The following ITGA1 variants were observed in gnomAD, a reference collection of about 807,000 sequenced individuals.
ITGA1 encodes integrin alpha-1.
In ITGA1, 85 loss-of-function variants were observed where a neutral mutation model predicts 145.9. The observed-to-expected ratio is 0.58, with a 90% CI of 0.49 to 0.70. The LOEUF (loss-of-function observed/expected upper bound fraction) is 0.70, where lower values mean the gene tolerates loss of function less well. ITGA1 is among the 30% of genes least tolerant of loss of function. ITGA1 has a pLI of 0.00. For missense variants in ITGA1, 1,351 were observed against 1,418.7 expected (o/e 0.95, Z 0.77); for synonymous variants, 520 against 495.3 (o/e 1.05, Z -0.66).
At chr5:52,909,446 G>A (rs971347167) in intron 13 of ITGA1, among the ~76,000 whole-genome samples, 2 of 152,052 alleles carry the variant, frequency 1.3e-5, no homozygotes, top group Admixed American at 6.6e-5. Context: ...AACACTGCAG[G>A]CTTCCAGGAA....
chr5:52,799,283 T>C (rs1457514740), intron 1 of ITGA1, among the ~76,000 whole-genome samples: 2 of 152,248 alleles, frequency 1.3e-5, no homozygotes, highest in African/African-American at 4.8e-5. Flanking sequence ...CTTTAAATTA[T>C]GTAGCTATTC....
intron 15 of ITGA1, among the ~76,000 whole-genome samples, chr5:52,917,255 C>G (rs941242576): frequency 6.6e-6 from 1 of 152,158 alleles, no homozygotes; most frequent in Non-Finnish European, 1.5e-5. Context: ...GGAAACTAGG[C>G]ATGTTCATTC....
chr5:52,795,599 A>C (rs1748325117), intron 1 of ITGA1, among the ~76,000 whole-genome samples: 1 of 151,932 alleles, frequency 6.6e-6, no homozygotes, highest in Non-Finnish European at 1.5e-5. Flanking sequence ...TAACATAAAT[A>C]AATGTACCCC....
intron 1 of ITGA1, among the ~76,000 whole-genome samples, chr5:52,843,848 C>T (rs184812644): frequency 2.6e-5 from 4 of 152,150 alleles, no homozygotes; most frequent in Non-Finnish European, 5.9e-5. Context: ...CACTCAACCT[C>T]TCTGAGCTTC....
At chr5:52,893,557 A>C (rs1750182553) in intron 8 of ITGA1, 118 bp from the exon 9 acceptor site, 1 of 820,498 alleles carries the variant, frequency 1.2e-6, no homozygotes, top group African/African-American at 1.8e-5. Flanking sequence ...ATGAAAGTAC[A>C]TAAAAATTCC....
intron 2 of ITGA1, among the ~76,000 whole-genome samples, chr5:52,851,279 A>G (rs1017590599): frequency 9.2e-5 from 14 of 152,292 alleles, no homozygotes; most frequent in African/African-American, 3.1e-4. Flanking sequence ...GTCCTTAATT[A>G]TATGAATGAA....
chr5:52,810,162 C>A (rs996059043), intron 1 of ITGA1, among the ~76,000 whole-genome samples: 2 of 152,164 alleles, frequency 1.3e-5, no homozygotes, highest in African/African-American at 4.8e-5. Context: ...TTGAGACATT[C>A]TGTCCCTTTC....
rs770216010 is a variant in ITGA1 at position 52,800,951 on chromosome 5, A to G, written c.61+12537A>G. On this transcript the variant is annotated intron_variant, in intron 1 of 28. Coordinates refer to ENST00000282588, the MANE Select transcript of ITGA1 (RefSeq NM_181501.2). ...CATGACCGGGCCTTGGAGCGGTTCT[A>G]TGAACAGGTGGTCCAGGCTATCCAG... The G allele has an allele frequency of 2.2e-5, 35 of 1,614,092 alleles. No homozygotes were observed. The highest frequency in any genetic ancestry group is 8.9e-5 in the East Asian group (4 of 44,888).
intron 9 of ITGA1, 121 bp from the exon 10 acceptor site, chr5:52,897,334 A>G (rs1338108289): frequency 1.0e-5 from 7 of 671,972 alleles, no homozygotes; most frequent in Non-Finnish European, 1.8e-5. Context: ...AAAATGCCCT[A>G]AGATGTTTGA....
chr5:52,931,018 C>T (rs1228111303), intron 21 of ITGA1: 1 of 152,088 alleles, frequency 6.6e-6, no homozygotes, highest in African/African-American at 2.4e-5. Context: ...ACACAAATAC[C>T]TATAATCCAA....
chr5:52,840,449 C>T (rs1356539298), intron 1 of ITGA1, among the ~76,000 whole-genome samples: 1 of 152,200 alleles, frequency 6.6e-6, no homozygotes, highest in African/African-American at 2.4e-5. Context: ...GTGTTTCCCA[C>T]AGTGGGATCC....
At chr5:52,923,951 A>G (rs1750766691) in intron 18 of ITGA1, among the ~76,000 whole-genome samples, 1 of 152,164 alleles carries the variant, frequency 6.6e-6, no homozygotes, top group Non-Finnish European at 1.5e-5. Flanking sequence ...TCCTGTGGGT[A>G]CAGCTGCTCT....
intron 1 of ITGA1, 32 bp downstream of exon 1, chr5:52,788,446 T>G: frequency 6.8e-7 from 1 of 1,466,450 alleles, no homozygotes; most frequent in Non-Finnish European, 9.0e-7. Context: ...GAGCATCTCC[T>G]GCTCGCGGGC....
Position 52,947,546 on chromosome 5 carries a change from A to C in ITGA1, c.3495+85A>C. On this transcript the variant is annotated intron_variant, in intron 28 of 28. Transcript: ENST00000282588. Reference sequence around the variant, plus strand: ...AAGCTCTGATATATTCAGACTATGTAATATAGTATTATTACAGCAATGAAA... The same window carrying C: ...AAGCTCTGATATATTCAGACTATGTCATATAGTATTATTACAGCAATGAAA... The C allele has an allele frequency of 5.1e-6, 4 of 778,998 alleles. No individual in the cohort carries two copies. The South Asian group carries it at 6.1e-5, about 12-fold the overall frequency. The allele number at this position is 778,998 out of a possible 1,614,324, so 48.3% of individuals were successfully genotyped here.
intron 24 of ITGA1, among the ~76,000 whole-genome samples, chr5:52,937,909 T>C (rs1481639689): frequency 6.6e-6 from 1 of 151,904 alleles, no homozygotes; most frequent in Non-Finnish European, 1.5e-5. Flanking sequence ...TGCCTCTGTC[T>C]TCACCTGGCC....
chr5:52,859,872 T>C (rs1385460039), intron 2 of ITGA1, among the ~76,000 whole-genome samples: 1 of 152,202 alleles, frequency 6.6e-6, no homozygotes, highest in African/African-American at 2.4e-5. Context: ...AGGGGGACTA[T>C]CACTGCTTGA....
intron 26 of ITGA1, among the ~76,000 whole-genome samples, chr5:52,943,337 T>A (rs1398740436): frequency 6.6e-6 from 1 of 152,188 alleles, no homozygotes; most frequent in Non-Finnish European, 1.5e-5. Flanking sequence ...TTGAGTGTAG[T>A]CATTTGGGTT....
At chr5:52,922,370 T>C (rs145017769) in intron 17 of ITGA1, among the ~76,000 whole-genome samples, 1 of 152,330 alleles carries the variant, frequency 6.6e-6, no homozygotes, top group Non-Finnish European at 1.5e-5. Context: ...TAATGAAATG[T>C]AACTCATTTT....
At chr5:52,912,116 TAGATACA>T (rs1750562409) in intron 14 of ITGA1, among the ~76,000 whole-genome samples, 1 of 143,304 alleles carries the variant, frequency 7.0e-6, no homozygotes, top group Non-Finnish European at 1.5e-5. Context: ...ATCTAGTATA[TAGATACA>T]CTATATATAG....
Sources: allele counts gnomAD v4.1 joint callset (sites outside exome capture counted in the v4.1 genomes callset), GRCh38; gene constraint gnomAD v4.1.1; transcripts MANE v1.5; gene names NCBI Gene and HGNC (gene_info 2026-07-23, HGNC 2026-07-21).